The following GGA1 variants were observed in gnomAD, a reference collection of about 807,000 sequenced individuals.
GGA1 encodes the protein ADP-ribosylation factor-binding protein GGA1.
GGA1 carries 18 observed loss-of-function variants against 76.9 expected under a neutral mutation model. The ratio of observed to expected loss-of-function variants is 0.23; its 90% CI spans 0.16 to 0.35. The LOEUF is 0.35. Ranked by LOEUF, GGA1 falls within the 10% of genes least tolerant of loss-of-function variation. The pLI, the probability that GGA1 is intolerant of heterozygous loss-of-function variation, is 1.00. For synonymous variants in GGA1, 342 were observed against 354.7 expected (o/e 0.96, Z 0.40); for missense variants, 755 against 859.0 (o/e 0.88, Z 1.51).
rs759778466 is a variant in GGA1 at position 37,632,233 on chromosome 22, G to A, written c.1698+68G>A. The stretch of plus-strand genomic sequence containing the variant: ...GCAGGGTGACATGGAGCTGGGTGGG[G>A]AGCCACCTGTCAGGGGGCAGGTCTC... On this transcript the variant is annotated intron_variant, in intron 15 of 16. Transcript: ENST00000343632. This position sits in a 1 kb window ranked among gnomAD's most constrained non-coding sequence, Gnocchi z 5.1. The A allele has an allele frequency of 6.7e-7, 1 of 1,499,706 alleles. No homozygotes were observed. The highest frequency in any genetic ancestry group is 9.2e-7 in the Non-Finnish European group (1 of 1,089,312). The allele number at this position is 1,499,706 out of a possible 1,614,324, so 92.9% of individuals were successfully genotyped here. A position where few individuals can be genotyped will look rare whatever the true frequency, so the allele number is the denominator to read the frequency against.
In GGA1 at chr22:37,623,388, A is replaced by G; in HGVS notation, c.671A>G (p.Asn224Ser). The stretch of plus-strand genomic sequence containing the variant: ...AATGCCATCGAGGAGGTGAACAACA[A>G]TGTGAAACTGCTCACGGAGATGGTG... ...RVNAIEEVNNNVKLLTEMVMS... is the reference protein window; with the variant it reads ...RVNAIEEVNNSVKLLTEMVMS... The change falls in exon 8 of 17, where the codon AAT becomes AGT. Residue 224 changes from asparagine (N) to serine (S), a missense_variant. Coordinates refer to ENST00000343632, the MANE Select transcript of GGA1 (RefSeq NM_013365.5). The surrounding 1 kb of genome is among the most constrained non-coding windows in gnomAD (Gnocchi z 4.6). The G allele has an allele frequency of 5.0e-6, 8 of 1,613,942 alleles. No individual in the cohort carries two copies. Among genetic ancestry groups the G allele is most frequent in the Non-Finnish European group, 6.8e-6 (8 of 1,179,812 alleles).
intron 3 of GGA1, chr22:37,617,893 G>C: frequency 3.9e-6 from 1 of 258,834 alleles, no homozygotes; most frequent in Non-Finnish European, 6.0e-6. Context: ...AGGCTGAGGC[G>C]GGCAGATCAC....
intron 3 of GGA1, 74 bp from the exon 4 acceptor site, chr22:37,618,374 G>C (rs1023129283): frequency 4.8e-6 from 4 of 840,316 alleles, no homozygotes; most frequent in Non-Finnish European, 8.0e-6. Context: ...TCTGGCCCCT[G>C]TCCAAGGCGT....
Position 37,629,379 on chromosome 22 carries a change from A to G in GGA1, c.1094-83A>G, listed in dbSNP as rs1931387343. 7.6e-6 allele frequency: 7 copies of G among 918,026 alleles called. No individual in the cohort carries two copies. In the Admixed American group the frequency reaches 1.7e-4, roughly 22 times the overall value. 56.9% of individuals were successfully genotyped at this position (918,026 alleles called of 1,614,324 possible). Reference sequence around the variant, plus strand: ...GCCTCAGAAAGGGGTAGGGAGCCCCATGCCAGCACACATGGCCCCTCGGCT... The same window carrying G: ...GCCTCAGAAAGGGGTAGGGAGCCCCGTGCCAGCACACATGGCCCCTCGGCT... On this transcript the variant is annotated intron_variant, in intron 11 of 16. Coordinates refer to ENST00000343632, the MANE Select transcript of GGA1 (RefSeq NM_013365.5).
intron 3 of GGA1, 68 bp downstream of exon 3, chr22:37,617,065 G>T: frequency 6.4e-7 from 1 of 1,554,098 alleles, no homozygotes; most frequent in Non-Finnish European, 8.7e-7. Context: ...CAAGACTGAG[G>T]TTCTTGGGGT....
At position 37,618,436 on chromosome 22, in the gene GGA1, C is replaced by G. The variant is rs11912798; in HGVS notation, c.205-12C>G. ...ACCTGGGCGTCCCCTCCCATCCCCC[C>G]TCCCTGCACAGGTGCTGGAAACATG... On this transcript the variant is annotated splice_polypyrimidine_tract_variant and intron_variant, in intron 3 of 16. Transcript: ENST00000343632. 7.0e-4 allele frequency: 1,098 copies of G among 1,560,528 alleles called. 10 individuals carry two copies. In the African/African-American group the frequency reaches 0.013, roughly 19 times the overall value.
chr22:37,622,603 C>T (rs1198701899), intron 7 of GGA1, among the ~76,000 whole-genome samples: 1 of 151,832 alleles, frequency 6.6e-6, no homozygotes, highest in African/African-American at 2.4e-5. Flanking sequence ...TTTGTAGAGA[C>T]AGCATCTCCC....
intron 1 of GGA1, 86 bp from the exon 2 acceptor site, chr22:37,614,104 T>C (rs1928287391): frequency 1.1e-6 from 1 of 925,102 alleles, no homozygotes; most frequent in Non-Finnish European, 1.8e-6. Flanking sequence ...CCTCTCCCAC[T>C]CCTGACCACA....
chr22:37,629,950 G>A (rs746541317), intron 12 of GGA1, 48 bp from the exon 13 acceptor site: 35 of 1,309,770 alleles, frequency 2.7e-5, no homozygotes, highest in Non-Finnish European at 3.4e-5. Context: ...AGGTGATGCT[G>A]ACACCTCTCT....
At chr22:37,631,890 T>G in intron 14 of GGA1, 106 bp from the exon 15 acceptor site, 1 of 918,178 alleles carries the variant, frequency 1.1e-6, no homozygotes. Context: ...TTTGCTCTTG[T>G]TGCCAGTACA....
At chr22:37,630,871 ATCACT>A in intron 13 of GGA1, 27 bp from the exon 14 acceptor site, 3 of 1,536,490 alleles carry the variant, frequency 2.0e-6, no homozygotes, top group Non-Finnish European at 2.7e-6. Flanking sequence ...CTGGCCAAGA[ATCACT>A]TCTTAATGCA....
At chr22:37,611,852 A>G (rs1341077083) in intron 1 of GGA1, among the ~76,000 whole-genome samples, 2 of 152,228 alleles carry the variant, frequency 1.3e-5, no homozygotes, top group East Asian at 3.8e-4. Flanking sequence ...GTATTTTGTC[A>G]TCCAAAATCA....
intron 2 of GGA1, among the ~76,000 whole-genome samples, chr22:37,615,797 G>T (rs1928664302): frequency 6.6e-6 from 1 of 152,042 alleles, no homozygotes; most frequent in Non-Finnish European, 1.5e-5. Flanking sequence ...TTCTTGGGCT[G>T]CCCCCAGACT....
Position 37,623,320 on chromosome 22 carries a change from T to A in GGA1, c.610-7T>A, listed in dbSNP as rs1468726602. On this transcript the variant is annotated splice_polypyrimidine_tract_variant and splice_region_variant and intron_variant, in intron 7 of 16. Coordinates refer to ENST00000343632, the MANE Select transcript of GGA1 (RefSeq NM_013365.5). The surrounding 1 kb of genome is among the most constrained non-coding windows in gnomAD (Gnocchi z 4.6). ...TTCTCAGGGGCCCTTGGCCAATGTGTCCCCAGGACCAGAAGCGGATGGAGA... is the reference window on the plus strand; with the variant it reads ...TTCTCAGGGGCCCTTGGCCAATGTGACCCCAGGACCAGAAGCGGATGGAGA... 1.2e-6 allele frequency: 2 copies of A among 1,613,726 alleles called. No homozygotes were observed. The highest frequency in any genetic ancestry group is 2.2e-5 in the South Asian group (2 of 91,074).
In GGA1 at chr22:37,620,313, C is replaced by G. The variant is rs1346455295; in HGVS notation, c.379C>G (p.Pro127Ala). ...CCTCTACAGCTGGACAGTGGGCCTGCCCGAGGAGGTGAAAATCGCAGAGGC... is the reference window on the plus strand; with the variant it reads ...CCTCTACAGCTGGACAGTGGGCCTGGCCGAGGAGGTGAAAATCGCAGAGGC... ...ELLYSWTVGL[P>A]EEVKIAEAYQ... Residue 127 changes from proline to alanine, a missense_variant, in exon 5 of 17, where the codon CCC becomes GCC. By Grantham distance (27) the Pro-to-Ala change is conservative. Transcript: ENST00000343632. 1 of 1,613,870 alleles carries G rather than the reference C, an allele frequency of 6.2e-7. No individual in the cohort carries two copies. The highest frequency in any genetic ancestry group is 1.7e-5 in the Admixed American group (1 of 60,016).
chr22:37,608,848 G>T lies in GGA1; in HGVS notation c.-13G>T. The T allele has an allele frequency of 1.5e-6, 2 of 1,308,980 alleles. No homozygotes were observed. The highest frequency in any genetic ancestry group is 1.9e-6 in the Non-Finnish European group (2 of 1,030,706). The allele number at this position is 1,308,980 out of a possible 1,614,324, so 81.1% of individuals were successfully genotyped here. A position where few individuals can be genotyped will look rare whatever the true frequency, so the allele number is the denominator to read the frequency against. ...GGCGGGGGGGCGGTGCCGAGGCTGG[G>T]GGCCGGTGGCGGATGGAGCCCGCGA... On this transcript the variant is annotated 5_prime_UTR_variant, in exon 1 of 17. Transcript: ENST00000343632.
chr22:37,629,422 T>C, intron 11 of GGA1, 40 bp from the exon 12 acceptor site: 1 of 1,461,664 alleles, frequency 6.8e-7, no homozygotes. Context: ...CTCTGCAGGG[T>C]CAGCCCAGCT....
At chr22:37,631,174 C>G in intron 14 of GGA1, 75 bp downstream of exon 14, 3 of 1,249,786 alleles carry the variant, frequency 2.4e-6, no homozygotes, top group South Asian at 1.5e-5. Context: ...TCTGGGGAAG[C>G]TAGTGGGAAA....
rs1931901526 is a variant in GGA1 at position 37,632,070 on chromosome 22, C to T, written c.1603C>T (p.Pro535Ser). The T allele has an allele frequency of 6.2e-7, 1 of 1,613,664 alleles. No individual in the cohort carries two copies. The highest frequency in any genetic ancestry group is 1.1e-5 in the South Asian group (1 of 91,092). The change falls in exon 15 of 17, where the codon CCA becomes TCA. Residue 535 changes from proline (P) to serine (S), a missense_variant. By Grantham distance (74) the Pro-to-Ser change is moderately conservative. Transcript: ENST00000343632. This position sits in a 1 kb window ranked among gnomAD's most constrained non-coding sequence, Gnocchi z 5.1. ...ILFHFARDPLPGRSDVLVVVV... is the reference protein window; with the variant it reads ...ILFHFARDPLSGRSDVLVVVV... ...CTTCCATTTTGCCCGGGACCCACTGCCAGGGCGCTCCGACGTGCTGGTGGT... is the reference window on the plus strand; with the variant it reads ...CTTCCATTTTGCCCGGGACCCACTGTCAGGGCGCTCCGACGTGCTGGTGGT...
Sources: allele counts gnomAD v4.1 joint callset (sites outside exome capture counted in the v4.1 genomes callset), GRCh38; gene constraint gnomAD v4.1.1; non-coding constraint Gnocchi (gnomAD v3.1); transcripts MANE v1.5; gene names NCBI Gene and HGNC (gene_info 2026-07-23, HGNC 2026-07-21).